The following GABRB1 variants were observed in gnomAD, a reference collection of about 807,000 sequenced individuals.
The protein encoded by GABRB1 is gamma-aminobutyric acid type A receptor subunit beta1, also known as gamma-aminobutyric acid receptor subunit beta-1.
Under a neutral mutation model 51.6 loss-of-function variants are expected in GABRB1, and 17 were observed. The observed-to-expected ratio is 0.33, with a 90% CI of 0.23 to 0.49. The LOEUF (loss-of-function observed/expected upper bound fraction) is 0.49. Among genes scored for constraint, GABRB1 ranks in the 20% least tolerant of loss-of-function variants. GABRB1 has a pLI of 0.99. For synonymous variants in GABRB1, 247 were observed against 218.9 expected, an observed-to-expected ratio of 1.13 and a Z score of -1.14; for missense variants, 410 against 600.6, an observed-to-expected ratio of 0.68 and a Z score of 3.32.
Position 47,031,571 on chromosome 4 carries a change from G to A in GABRB1, c.-81G>A, listed in dbSNP as rs1035948475. The stretch of plus-strand genomic sequence containing the variant: ...GCTCTGCGCATGCGCAGGTCCATTC[G>A]GGAATTACTGCCCAGCAGCCGACTA... On this transcript the variant is annotated 5_prime_UTR_variant, in exon 1 of 9. Coordinates refer to ENST00000295454, the MANE Select transcript of GABRB1 (RefSeq NM_000812.4). 2.5e-6 allele frequency: 3 copies of A among 1,189,762 alleles called. No individual in the cohort carries two copies. The highest frequency in any genetic ancestry group is 2.3e-5 in the East Asian group (1 of 42,896). 73.7% of individuals were successfully genotyped at this position (1,189,762 alleles called of 1,614,324 possible). A position where few individuals can be genotyped will look rare whatever the true frequency, so the allele number is the denominator to read the frequency against.
intron 5 of GABRB1, among the ~76,000 whole-genome samples, chr4:47,386,026 G>C (rs1279421339): frequency 6.6e-6 from 1 of 152,186 alleles, no homozygotes; most frequent in Non-Finnish European, 1.5e-5. Context: ...TCACCAGCCT[G>C]GAAGGTCTTT....
intron 4 of GABRB1, among the ~76,000 whole-genome samples, chr4:47,280,292 C>G (rs568845899): frequency 6.6e-6 from 1 of 151,960 alleles, no homozygotes; most frequent in Non-Finnish European, 1.5e-5. Flanking sequence ...TCTCTTCCCC[C>G]CCACTTTTGT....
At chr4:47,076,634 G>GCCGATTAC (rs558743624) in intron 3 of GABRB1, among the ~76,000 whole-genome samples, 2,206 of 152,076 alleles carry the variant, frequency 0.015, 45 homozygotes, top group African/African-American at 0.051. Context: ...ACAGCCAGCA[G>GCCGATTAC]CCGATTACAT....
At position 46,994,583 on chromosome 4, in the gene GABRB1, G is replaced by A. The variant is rs571810687; in HGVS notation, c.-20+657G>A. ...GAAAGGATACATAAATTAAAATGGA[G>A]GGGGACAAATATTAGTTCCCTTGTG... On this transcript the variant is annotated intron_variant, in intron 1 of 3. Coordinates refer to the GABRB1 transcript ENST00000513567. 3.3e-5 allele frequency among the ~76,000 whole-genome samples: 5 copies of A among 151,996 alleles called. No individual in the cohort carries two copies. In the East Asian group the frequency reaches 7.8e-4, roughly 24 times the overall value.
intron 4 of GABRB1, among the ~76,000 whole-genome samples, chr4:47,205,864 G>T (rs1720098455): frequency 6.6e-6 from 1 of 151,832 alleles, no homozygotes; most frequent in Non-Finnish European, 1.5e-5. Flanking sequence ...GGAGATGAGT[G>T]GTTTTACTAT....
At chr4:47,352,956 T>C (rs1323185165) in intron 5 of GABRB1, among the ~76,000 whole-genome samples, 1 of 152,166 alleles carries the variant, frequency 6.6e-6, no homozygotes, top group Non-Finnish European at 1.5e-5. Context: ...TACCCAAGAC[T>C]GGGAAGACAA....
At chr4:47,251,155 C>T (rs1052412995) in intron 4 of GABRB1, among the ~76,000 whole-genome samples, 6 of 152,168 alleles carry the variant, frequency 3.9e-5, no homozygotes, top group African/African-American at 9.7e-5. Context: ...TGATGCAGCA[C>T]TCTCCCCCTT....
chr4:47,362,568 T>C (rs962935605), intron 5 of GABRB1, among the ~76,000 whole-genome samples: 1 of 152,118 alleles, frequency 6.6e-6, no homozygotes, highest in Non-Finnish European at 1.5e-5. Flanking sequence ...GAGACTTCTT[T>C]TTTCTTTCAT....
At chr4:47,190,257 G>A (rs1468189471) in intron 4 of GABRB1, among the ~76,000 whole-genome samples, 1 of 152,106 alleles carries the variant, frequency 6.6e-6, no homozygotes, top group Non-Finnish European at 1.5e-5. Context: ...GTCATAAGAT[G>A]TGTATCCCAG....
intron 1 of GABRB1, among the ~76,000 whole-genome samples, chr4:47,016,058 C>G (rs760072220): frequency 6.6e-6 from 1 of 152,134 alleles, no homozygotes; most frequent in Non-Finnish European, 1.5e-5. Flanking sequence ...GAGGATGCAG[C>G]AGGTGAAAGG....
chr4:47,250,197 C>T (rs1721931180), intron 4 of GABRB1, among the ~76,000 whole-genome samples: 1 of 152,064 alleles, frequency 6.6e-6, no homozygotes, highest in African/African-American at 2.4e-5. Context: ...TTGTATCTTT[C>T]CTTCATATAT....
At chr4:47,192,011 T>G (rs1719457920) in intron 4 of GABRB1, among the ~76,000 whole-genome samples, 1 of 152,212 alleles carries the variant, frequency 6.6e-6, no homozygotes, top group Middle Eastern at 3.4e-3. Context: ...AAAACATAAT[T>G]AAATAGACTC....
At chr4:47,022,326 T>C (rs1158757918) in intron 1 of GABRB1, among the ~76,000 whole-genome samples, 1 of 152,106 alleles carries the variant, frequency 6.6e-6, no homozygotes, top group African/African-American at 2.4e-5. Flanking sequence ...CACAATTGAA[T>C]GTTAGTTTTT....
intron 4 of GABRB1, among the ~76,000 whole-genome samples, chr4:47,254,366 T>TTTTTTTG (rs1722110553): frequency 1.2e-5 from 1 of 80,204 alleles, no homozygotes; most frequent in African/African-American, 5.4e-5. Context: ...TCTTTGTTTT[T>TTTTTTTG]TTTTTTTTTT....
chr4:47,332,252 A>G (rs1725511963), intron 5 of GABRB1, among the ~76,000 whole-genome samples: 1 of 152,210 alleles, frequency 6.6e-6, no homozygotes, highest in Non-Finnish European at 1.5e-5. Context: ...CTAAATGGCT[A>G]CCAATACTAT....
chr4:47,024,349 T>C (rs1434717299), intron 1 of GABRB1, among the ~76,000 whole-genome samples: 2 of 151,974 alleles, frequency 1.3e-5, no homozygotes, highest in Admixed American at 6.6e-5. Context: ...TATTGAGAAG[T>C]ATTTTATTTC....
Position 47,360,120 on chromosome 4 carries a change from TA to T in GABRB1, c.544+39923del, listed in dbSNP as rs372037132. On this transcript the variant is annotated intron_variant, in intron 5 of 8. Transcript: ENST00000295454. ...GTTTCTACTCTCTGCAGGAAAGCTTTAAAAAAAAAAAAGATAAACAGACCCA... is the reference window on the plus strand; with the variant it reads ...GTTTCTACTCTCTGCAGGAAAGCTTTAAAAAAAAAAAGATAAACAGACCCA... Among the ~76,000 whole-genome samples the T allele has an allele frequency of 2.1e-3, 311 of 146,704 alleles. 3 individuals are homozygous for T. Among genetic ancestry groups the T allele is most frequent in the African/African-American group, 5.9e-3 (234 of 39,946 alleles).
intron 3 of GABRB1, among the ~76,000 whole-genome samples, chr4:47,119,611 C>T (rs1272719948): frequency 6.6e-6 from 1 of 151,498 alleles, no homozygotes; most frequent in Non-Finnish European, 1.5e-5. Flanking sequence ...AGGGTTCAAG[C>T]GATTCTGCTG....
intron 5 of GABRB1, among the ~76,000 whole-genome samples, chr4:47,331,705 A>G (rs1296011216): frequency 6.6e-6 from 1 of 152,160 alleles, no homozygotes; most frequent in African/African-American, 2.4e-5. Flanking sequence ...CCCTTGCTGA[A>G]CTAAGGAACT....
Sources: allele counts gnomAD v4.1 joint callset (sites outside exome capture counted in the v4.1 genomes callset), GRCh38; gene constraint gnomAD v4.1.1; transcripts MANE v1.5; gene names NCBI Gene and HGNC (gene_info 2026-07-23, HGNC 2026-07-21).